The following CFAP43 variants were observed in gnomAD, a reference collection of about 807,000 sequenced individuals.
CFAP43 encodes cilia and flagella associated protein 43.
A neutral mutation model predicts 218.9 loss-of-function variants in CFAP43; 155 were observed. That is an observed-to-expected ratio of 0.71 (90% confidence interval 0.62 to 0.81). The LOEUF is 0.81. CFAP43 is among the 30% of genes least tolerant of loss of function. CFAP43 has a pLI of 0.00. For missense variants in CFAP43, 1,778 were observed against 1,954.3 expected (o/e 0.91, Z 1.70); for synonymous variants, 645 against 681.3 (o/e 0.95, Z 0.83).
In CFAP43 at chr10:104,187,316, A is replaced by C. The variant is rs761098847; in HGVS notation, c.1860+4T>G. On this transcript the variant is annotated splice_donor_region_variant and intron_variant, in intron 14 of 37. Transcript: ENST00000357060. ...AATGAGAGCACACTTAAGTGTTGAC[A>C]TACTTCTTCAGGAAGAAGGTAGCTA... is the stretch of plus-strand genomic sequence containing the variant. The C allele has an allele frequency of 6.3e-7, 1 of 1,593,558 alleles. No homozygotes were observed. Among genetic ancestry groups the C allele is most frequent in the East Asian group, 2.3e-5 (1 of 44,372 alleles).
chr10:104,147,897 G>A lies in CFAP43; in HGVS notation c.3762C>T (p.His1254=), dbSNP rs74874281. The part of the protein sequence containing the change: ...FLNNYLTRKQ[H]EKSQTSEAVR... ...TTTCAGACACTATTCTTACTTTCTC[G>A]TGCTGTTTCCTTGTAAGGTAGTTGT... is the stretch of plus-strand genomic sequence containing the variant. The change falls in exon 29 of 38, where the codon CAC becomes CAT. Residue 1254 remains histidine (H), a synonymous_variant. Coordinates refer to ENST00000357060, the MANE Select transcript of CFAP43 (RefSeq NM_025145.7). 271 of 1,585,358 alleles carry A rather than the reference G, an allele frequency of 1.7e-4. No individual in the cohort carries two copies. The highest frequency in any genetic ancestry group is 2.1e-4 in the Non-Finnish European group (241 of 1,167,096).
At chr10:104,180,738 C>T (rs1051846886) in intron 17 of CFAP43, among the ~76,000 whole-genome samples, 1 of 152,070 alleles carries the variant, frequency 6.6e-6, no homozygotes, top group African/African-American at 2.4e-5. Context: ...TGCCAACCAC[C>T]GTCCCCGCCG....
At position 104,187,387 on chromosome 10, in the gene CFAP43, T is replaced by G; in HGVS notation, c.1793A>C (p.Gln598Pro). Residue 598 changes from glutamine to proline, a missense_variant, in exon 14 of 38, where the codon CAA (glutamine) becomes CCA (proline). Transcript: ENST00000357060. ...HALSSAVLGF[Q>P]SNQIYGFCSQ... ...ACAGAAGCCATATATTTGGTTACTTTGAAAGCCCAAGACTGCAGAGGACAG... is the reference window on the plus strand; with the variant it reads ...ACAGAAGCCATATATTTGGTTACTTGGAAAGCCCAAGACTGCAGAGGACAG... 1 of 1,612,490 alleles carries G rather than the reference T, an allele frequency of 6.2e-7. No individual in the cohort carries two copies. Among genetic ancestry groups the G allele is most frequent in the Non-Finnish European group, 8.5e-7 (1 of 1,179,530 alleles).
At position 104,151,090 on chromosome 10, in the gene CFAP43, C is replaced by T. The variant is rs542840761; in HGVS notation, c.3660+1517G>A. Among the ~76,000 whole-genome samples, 16 of 152,318 alleles carry T rather than the reference C, an allele frequency of 1.1e-4. No individual in the cohort carries two copies. In the East Asian group the frequency reaches 2.3e-3, roughly 22 times the overall value. The stretch of plus-strand genomic sequence containing the variant: ...GACATGATCTCATTCTTTTTGATGG[C>T]TGCACAGTATTCCATGGTGTATATG... On this transcript the variant is annotated intron_variant, in intron 28 of 37. Transcript: ENST00000357060.
intron 10 of CFAP43, among the ~76,000 whole-genome samples, chr10:104,196,240 C>G (rs922047976): frequency 6.6e-6 from 1 of 152,158 alleles, no homozygotes; most frequent in Non-Finnish European, 1.5e-5. Context: ...ACACATGAGG[C>G]CAGACAAGTT....
chr10:104,168,825 A>C lies in CFAP43; in HGVS notation c.2610T>G (p.His870Gln), dbSNP rs753452180. 2 of 1,613,512 alleles carry C rather than the reference A, an allele frequency of 1.2e-6. No homozygotes were observed. The highest frequency in any genetic ancestry group is 1.1e-5 in the South Asian group (1 of 91,072). Residue 870 changes from histidine (H) to glutamine (Q), a missense_variant, in exon 21 of 38, where the codon CAT becomes CAG. His to Gln is a conservative substitution (Grantham distance 24, BLOSUM62 0). Coordinates refer to ENST00000357060, the MANE Select transcript of CFAP43 (RefSeq NM_025145.7). ...VAKMIKDVEM[H>Q]NLAKSYLAEL... ...CAGCCAAATAGCTCTTGGCTAAGTT[A>C]TGCATCTCTACATCCTTTATCATCT...
At chr10:104,180,010 G>T in intron 17 of CFAP43, 78 bp from the exon 18 acceptor site, 2 of 1,063,250 alleles carry the variant, frequency 1.9e-6, no homozygotes, top group Non-Finnish European at 2.9e-6. Context: ...CCTACCACAT[G>T]TAACTGCTTT....
chr10:104,176,747 G>A (rs934802503), intron 19 of CFAP43, among the ~76,000 whole-genome samples: 1 of 152,108 alleles, frequency 6.6e-6, no homozygotes, highest in African/African-American at 2.4e-5. Context: ...CAACAGTCTG[G>A]GTCTCTGAAT....
Position 104,145,558 on chromosome 10 carries a change from C to A in CFAP43, c.3862G>T (p.Asp1288Tyr). 1 of 1,599,466 alleles carries A rather than the reference C, an allele frequency of 6.3e-7. No homozygotes were observed. Among genetic ancestry groups the A allele is most frequent in the South Asian group, 1.1e-5 (1 of 89,464 alleles). Residue 1288 changes from aspartate (D) to tyrosine (Y), a missense_variant, in exon 31 of 38, where the codon GAT (aspartate) becomes TAT (tyrosine). By Grantham distance (160) the Asp-to-Tyr change is radical. Transcript: ENST00000357060. The part of the protein sequence containing the change: ...DNLLAEDKVM[D>Y]RSFKKEFSEI... ...GAAAATTCCTTTTTAAAGCTGCGAT[C>A]CATAACCTAAGGACAAACATGACAT...
At chr10:104,170,873 A>G (rs1262170457) in intron 20 of CFAP43, among the ~76,000 whole-genome samples, 1 of 151,854 alleles carries the variant, frequency 6.6e-6, no homozygotes, top group Non-Finnish European at 1.5e-5. Context: ...TACCTCCCCA[A>G]CCTCATTCCA....
chr10:104,166,400 G>T, intron 23 of CFAP43, 88 bp downstream of exon 23: 1 of 910,752 alleles, frequency 1.1e-6, no homozygotes, highest in Non-Finnish European at 1.7e-6. Flanking sequence ...ATCATCATTT[G>T]ATTGGCATTT....
chr10:104,194,386 A>G (rs2090325747), intron 10 of CFAP43, among the ~76,000 whole-genome samples: 1 of 152,200 alleles, frequency 6.6e-6, no homozygotes, highest in South Asian at 2.1e-4. Flanking sequence ...TTTAAAAGAA[A>G]TTCTTAGCAT....
At chr10:104,157,983 G>A (rs1397590698) in intron 27 of CFAP43, among the ~76,000 whole-genome samples, 1 of 152,050 alleles carries the variant, frequency 6.6e-6, no homozygotes, top group Non-Finnish European at 1.5e-5. Context: ...AACTGATGAG[G>A]ACACATGAAA....
At chr10:104,130,579 T>C (rs1015191319) in intron 37 of CFAP43, among the ~76,000 whole-genome samples, 1 of 152,140 alleles carries the variant, frequency 6.6e-6, no homozygotes, top group East Asian at 1.9e-4. Flanking sequence ...TGCAGCAACA[T>C]GGATGTAGCT....
At chr10:104,218,226 T>TAGTCCC (rs1406041225) in intron 3 of CFAP43, among the ~76,000 whole-genome samples, 2 of 151,770 alleles carry the variant, frequency 1.3e-5, no homozygotes, top group African/African-American at 4.8e-5. Flanking sequence ...CGGGTGCCTG[T>TAGTCCC]AGTCCCAGCT....
rs1564745289 is a variant in CFAP43, at chr10:104,166,641, CTCT to C, written c.2883_2885del (p.Glu965del). ...ATTTTACTGTCTTGTCTTCCTCTTC[CTCT>C]TCTTCATCATCCTCTTCATGACGCT... is the stretch of plus-strand genomic sequence containing the variant. On this transcript the variant is annotated inframe_deletion, in exon 23 of 38. Coordinates refer to ENST00000357060, the MANE Select transcript of CFAP43 (RefSeq NM_025145.7). The C allele has an allele frequency of 1.2e-6, 2 of 1,614,040 alleles. No homozygotes were observed. Among genetic ancestry groups the C allele is most frequent in the African/African-American group, 1.3e-5 (1 of 74,934 alleles).
intron 28 of CFAP43, among the ~76,000 whole-genome samples, chr10:104,152,318 G>T (rs998129256): frequency 2.0e-5 from 3 of 152,088 alleles, no homozygotes; most frequent in African/African-American, 7.2e-5. Context: ...TTTTTGAGCT[G>T]GGATCTGAAG....
Position 104,142,605 on chromosome 10 carries a change from G to T in CFAP43, c.4159-212C>A, listed in dbSNP as rs146150375. Among the ~76,000 whole-genome samples, 580 of 152,238 alleles carry T rather than the reference G, an allele frequency of 3.8e-3. 3 individuals are homozygous for T. The highest frequency in any genetic ancestry group is 0.013 in the African/African-American group (548 of 41,554). On this transcript the variant is annotated intron_variant, in intron 32 of 37. Transcript: ENST00000357060. Reference sequence around the variant, plus strand: ...AAATTTGCTTCTTGGTGAAAATCAAGTATGCAGGCAACTATAAATTCTTTT... The same window carrying T: ...AAATTTGCTTCTTGGTGAAAATCAATTATGCAGGCAACTATAAATTCTTTT...
chr10:104,195,858 A>C (rs922029604), intron 10 of CFAP43, among the ~76,000 whole-genome samples: 1 of 152,194 alleles, frequency 6.6e-6, no homozygotes, highest in Non-Finnish European at 1.5e-5. Context: ...AATCTCTTGA[A>C]TATTCACTGA....
Sources: gnomAD v4.1 joint callset for allele counts (sites outside exome capture counted in the v4.1 genomes callset) on GRCh38, gnomAD v4.1.1 for gene constraint, MANE v1.5 for transcripts, NCBI Gene and HGNC (gene_info 2026-07-23, HGNC 2026-07-21) for gene names.